TPT1: variants seen among roughly 807,000 people sequenced by gnomAD.
TPT1 encodes translationally-controlled tumor protein.
A neutral mutation model predicts 22.8 loss-of-function variants in TPT1; 5 were observed. That is an observed-to-expected ratio of 0.22 (90% CI 0.11 to 0.46). TPT1 has a LOEUF of 0.46. TPT1 is among the 20% of genes least tolerant of loss of function. The pLI, the probability that TPT1 is intolerant of heterozygous loss-of-function variation, is 0.99. For synonymous variants in TPT1, 89 were observed against 73.6 expected (o/e 1.21, Z -1.07); for missense variants, 130 against 218.7 (o/e 0.59, Z 2.56).
rs867355393 is a variant in TPT1 at position 45,341,127 on chromosome 13, A to G, written c.-58T>C. On this transcript the variant is annotated 5_prime_UTR_variant, in exon 1 of 6. Transcript: ENST00000530705. ...AGCTTAGCACGAGCCTGAAACTCGG[A>G]GCGAGCGCGGTGCAGCCGGAGCGGC... The G allele has an allele frequency of 8.1e-6, 13 of 1,603,018 alleles. No homozygotes were observed. The Middle Eastern group carries it at 6.6e-4, about 81-fold the overall frequency.
At chr13:45,340,822 T>G (rs2234216) in intron 1 of TPT1, 37 bp from the exon 2 acceptor site, 1 of 1,497,044 alleles carries the variant, frequency 6.7e-7, no homozygotes, top group African/African-American at 1.4e-5. Flanking sequence ...ACCGTGCGCC[T>G]GGCGCCGCCA....
chr13:45,339,690 G>C, intron 3 of TPT1, 88 bp from the exon 4 acceptor site: 5 of 1,269,044 alleles, frequency 3.9e-6, no homozygotes, highest in Non-Finnish European at 4.4e-6. Context: ...CTTAAAAAAA[G>C]AAAACACTGA....
rs1878972940 is a variant in TPT1, at chr13:45,339,977, C to T, written c.293+17G>A. ...TAAGATTCTAGACATCAGCTAGGTA[C>T]TGCCAGTATCACTTACGATTTCATG... On this transcript the variant is annotated intron_variant, in intron 3 of 5. Transcript: ENST00000530705. 6.2e-7 allele frequency: 1 copy of T among 1,613,104 alleles called. No individual in the cohort carries two copies. Among genetic ancestry groups the T allele is most frequent in the African/African-American group, 1.3e-5 (1 of 74,898 alleles).
At chr13:45,339,951 G>T (rs1308864759) in intron 3 of TPT1, 43 bp downstream of exon 3, 2 of 1,598,326 alleles carry the variant, frequency 1.3e-6, no homozygotes, top group South Asian at 2.2e-5. Context: ...TTTAAATCCT[G>T]TAAGATTCTA....
rs1878994003 is a variant in TPT1 at position 45,340,199 on chromosome 13, A to T, written c.103-15T>A. 6.2e-7 allele frequency: 1 copy of T among 1,603,006 alleles called. No individual in the cohort carries two copies. Among genetic ancestry groups the T allele is most frequent in the Admixed American group, 1.7e-5 (1 of 58,228 alleles). ...CTACTGACCATCTGCATTAAGAAAA[A>T]GCAGTATAATTGCAAAAGACACAAA... On this transcript the variant is annotated splice_polypyrimidine_tract_variant and intron_variant, in intron 2 of 5. Transcript: ENST00000530705.
In TPT1 at chr13:45,335,368, T is replaced by TA. The variant is rs1878605673; in HGVS notation, c.*2017dup. 6.6e-6 allele frequency: 1 copy of TA among 152,200 alleles called. No homozygotes were observed. Among genetic ancestry groups the TA allele is most frequent in the Admixed American group, 6.5e-5 (1 of 15,274 alleles). The allele number at this position is 152,200 out of a possible 1,614,324, so 9.4% of individuals were successfully genotyped here. ...AGCACTGAAAGGACAACTGGGGAAATACCTCTTCTGCAGAACTGAAAATCT... is the reference window on the plus strand; with the variant it reads ...AGCACTGAAAGGACAACTGGGGAAATAACCTCTTCTGCAGAACTGAAAATCT... On this transcript the variant is annotated 3_prime_UTR_variant, in exon 6 of 6. Transcript: ENST00000530705.
intron 4 of TPT1, chr13:45,339,274 A>G (rs1878919203): frequency 2.3e-6 from 1 of 427,894 alleles, no homozygotes; most frequent in Admixed American, 4.1e-5. Context: ...AAAAACTGAA[A>G]GAACACTTAG....
At chr13:45,337,650 G>T in intron 5 of TPT1, 1 of 1,312,746 alleles carries the variant, frequency 7.6e-7, no homozygotes, top group Non-Finnish European at 1.1e-6. Context: ...TTTTCAGAAG[G>T]CTGTGGCATG....
At chr13:45,339,043 A>G in intron 4 of TPT1, 1 of 365,854 alleles carries the variant, frequency 2.7e-6, no homozygotes, top group Non-Finnish European at 4.9e-6. Context: ...ATACAATCCC[A>G]AACCCTAAAG....
chr13:45,338,924 C>CATCT lies in TPT1; in HGVS notation c.400-152_400-149dup, dbSNP rs542568713. 4 of 613,304 alleles carry CATCT rather than the reference C, an allele frequency of 6.5e-6. No homozygotes were observed. In the South Asian group the frequency reaches 9.7e-5, roughly 15 times the overall value. The allele number at this position is 613,304 out of a possible 1,614,324, so 38.0% of individuals were successfully genotyped here. On this transcript the variant is annotated intron_variant, in intron 4 of 5. Coordinates refer to ENST00000530705, the MANE Select transcript of TPT1 (RefSeq NM_003295.4). ...AGCTCTGATGCTCACTTATCATAGA[C>CATCT]ATCTGTTCACTGGATTAAGGCACCT...
Position 45,338,735 on chromosome 13 carries a change from A to G in TPT1, c.441T>C (p.Ala147=), listed in dbSNP as rs1383544294. The change falls in exon 5 of 6, where the codon GCT becomes GCC. Residue 147 remains alanine, a synonymous_variant. Coordinates refer to ENST00000530705, the MANE Select transcript of TPT1 (RefSeq NM_003295.4). ...GENMNPDGMV[A]LLDYREDGVT... is the part of the protein sequence containing the mutation. ...CACCATCCTCACGGTAGTCCAATAG[A>G]GCAACCATGCCATCTGGATTCATGT... is the stretch of plus-strand genomic sequence containing the variant. 1 of 1,603,852 alleles carries G rather than the reference A, an allele frequency of 6.2e-7. No homozygotes were observed. The highest frequency in any genetic ancestry group is 1.1e-5 in the South Asian group (1 of 88,136).
At position 45,336,584 on chromosome 13, in the gene TPT1, T is replaced by C. The variant is rs1335886571; in HGVS notation, c.*802A>G. 2.0e-5 allele frequency: 3 copies of C among 152,242 alleles called. No individual in the cohort carries two copies. Among genetic ancestry groups the C allele is most frequent in the Non-Finnish European group, 2.9e-5 (2 of 68,044 alleles). The allele number at this position is 152,242 out of a possible 1,614,324, so 9.4% of individuals were successfully genotyped here. On this transcript the variant is annotated 3_prime_UTR_variant, in exon 6 of 6. Coordinates refer to ENST00000530705, the MANE Select transcript of TPT1 (RefSeq NM_003295.4). ...GGCAAACTTGCAGGCTCTAGTCTGT[T>C]AGACACAACTCTGCTCATGCACTGA... is the stretch of plus-strand genomic sequence containing the variant.
At chr13:45,339,745 T>A in intron 3 of TPT1, 143 bp from the exon 4 acceptor site, 1 of 785,900 alleles carries the variant, frequency 1.3e-6, no homozygotes, top group Non-Finnish European at 2.0e-6. Flanking sequence ...ACAGAAGGTA[T>A]CTTTCAAGAA....
Position 45,336,437 on chromosome 13 carries a change from A to T in TPT1, c.*949T>A, listed in dbSNP as rs1370223474. On this transcript the variant is annotated 3_prime_UTR_variant, in exon 6 of 6. Transcript: ENST00000530705. ...GATAGCAACTGCTCCAGGTCTGTCA[A>T]ATAGATGCATTTTCTTATTCAGACA... 2.0e-5 allele frequency: 3 copies of T among 152,204 alleles called. No individual in the cohort carries two copies. The highest frequency in any genetic ancestry group is 7.2e-5 in the African/African-American group (3 of 41,442). The allele number at this position is 152,204 out of a possible 1,614,324, so 9.4% of individuals were successfully genotyped here.
rs1878544685 is a variant in TPT1 at position 45,334,338 on chromosome 13, A to C, written c.*3048T>G. ...CTTTGTTGGTTTCTCTTTGTCAACC[A>C]ATCTCATGTTGGAATGCAGTCTATC... On this transcript the variant is annotated 3_prime_UTR_variant, in exon 6 of 6. Coordinates refer to ENST00000530705, the MANE Select transcript of TPT1 (RefSeq NM_003295.4). 2 of 152,210 alleles carry C rather than the reference A, an allele frequency of 1.3e-5. No individual in the cohort carries two copies. Among genetic ancestry groups the C allele is most frequent in the Admixed American group, 1.3e-4 (2 of 15,282 alleles). 9.4% of individuals were successfully genotyped at this position (152,210 alleles called of 1,614,324 possible).
intron 5 of TPT1, 183 bp from the exon 6 acceptor site, chr13:45,337,571 A>G: frequency 6.2e-7 from 1 of 1,607,968 alleles, no homozygotes; most frequent in Non-Finnish European, 8.5e-7. Flanking sequence ...AAACCAAAAG[A>G]ACAACAGTAA....
chr13:45,340,230 C>T (rs777709801), intron 2 of TPT1, 46 bp from the exon 3 acceptor site: 2 of 1,575,302 alleles, frequency 1.3e-6, no homozygotes, highest in East Asian at 4.5e-5. Flanking sequence ...ACAAACGCAT[C>T]CAAAGCACCT....
chr13:45,333,478 T>C lies in TPT1; in HGVS notation c.*3908A>G, dbSNP rs3196907. On this transcript the variant is annotated 3_prime_UTR_variant, in exon 6 of 6. Coordinates refer to ENST00000530705, the MANE Select transcript of TPT1 (RefSeq NM_003295.4). The stretch of plus-strand genomic sequence containing the variant: ...AACCTTAAGGATGCTTTGTTATCAG[T>C]GTTCTCTCAAGTTGGTTGAGATTTA... 1.3e-5 allele frequency: 2 copies of C among 152,238 alleles called. No individual in the cohort carries two copies. Among genetic ancestry groups the C allele is most frequent in the Admixed American group, 1.3e-4 (2 of 15,278 alleles). The allele number at this position is 152,238 out of a possible 1,614,324, so 9.4% of individuals were successfully genotyped here.
At chr13:45,340,520 T>C (rs1879028722) in intron 2 of TPT1, 192 bp downstream of exon 2, 5 of 790,890 alleles carry the variant, frequency 6.3e-6, no homozygotes, top group South Asian at 5.8e-5. Context: ...GGGAGGAGGA[T>C]GGGCGCCGAG....
Sources: allele counts gnomAD v4.1 joint callset, GRCh38; gene constraint gnomAD v4.1.1; transcripts MANE v1.5; gene names NCBI Gene and HGNC (gene_info 2026-07-23, HGNC 2026-07-21).